The following FAM120C variants were observed in gnomAD, a reference collection of about 807,000 sequenced individuals.
FAM120C encodes the protein family with sequence similarity 120 member C.
FAM120C carries 14 observed loss-of-function variants against 71.2 expected under a neutral mutation model. That is an observed-to-expected ratio of 0.20 (90% CI 0.13 to 0.31). The LOEUF is 0.31. Ranked by LOEUF, FAM120C falls within the 10% of genes least tolerant of loss-of-function variation. The pLI, the probability that FAM120C is intolerant of heterozygous loss-of-function variation, is 1.00. For synonymous variants in FAM120C, 354 were observed against 353.2 expected (o/e 1.00, Z -0.03); for missense variants, 500 against 879.0 (o/e 0.57, Z 5.45).
At chrX:54,153,714 A>G (rs1156591088) in intron 3 of FAM120C, among the ~76,000 whole-genome samples, 1 of 109,737 alleles carries the variant, frequency 9.1e-6, no homozygotes, top group Non-Finnish European at 1.9e-5. Flanking sequence ...ATTATAGGTG[A>G]GCACCACCAT....
rs1557137930 is a variant in FAM120C at position 54,183,210 on chromosome X, G to C, written c.-12C>G. The C allele has an allele frequency of 9.3e-7, 1 of 1,074,440 alleles. No homozygotes were observed. The highest frequency in any genetic ancestry group is 3.7e-5 in the East Asian group (1 of 26,684). The allele number at this position is 1,074,440 out of a possible 1,213,427, so 88.5% of individuals were successfully genotyped here. A position where few individuals can be genotyped will look rare whatever the true frequency, so the allele number is the denominator to read the frequency against. On this transcript the variant is annotated 5_prime_UTR_variant, in exon 1 of 16. Coordinates refer to ENST00000375180, the MANE Select transcript of FAM120C (RefSeq NM_017848.6). ...CCCTGGACACCCATGCTTCGTCGGT[G>C]GGCAGACGCGATAGCGGCTGCGCAA...
At chrX:54,164,853 C>T (rs1168274982) in intron 1 of FAM120C, among the ~76,000 whole-genome samples, 2 of 111,894 alleles carry the variant, frequency 1.8e-5, no homozygotes, top group African/African-American at 6.5e-5. Flanking sequence ...ACAGCAGCTG[C>T]AGCATTTTAC....
At chrX:54,084,555 G>C (rs1344747148) in intron 13 of FAM120C, among the ~76,000 whole-genome samples, 3 of 111,996 alleles carry the variant, frequency 2.7e-5, no homozygotes, top group Non-Finnish European at 5.6e-5. Flanking sequence ...ACTGCCAGGT[G>C]CCATGGCTCA....
At chrX:54,116,189 T>C (rs782272719) in intron 10 of FAM120C, among the ~76,000 whole-genome samples, 1 of 112,344 alleles carries the variant, frequency 8.9e-6, no homozygotes, top group South Asian at 3.7e-4. Flanking sequence ...TGTGCATGAA[T>C]ACATGGATGT....
chrX:54,181,040 C>G (rs782076957), intron 1 of FAM120C, among the ~76,000 whole-genome samples: 1 of 104,942 alleles, frequency 9.5e-6, no homozygotes, highest in South Asian at 4.4e-4. Context: ...TTTTTTTTAA[C>G]CTTGTATGAG....
At chrX:54,099,341 C>G (rs1557123836) in intron 10 of FAM120C, among the ~76,000 whole-genome samples, 4 of 111,076 alleles carry the variant, frequency 3.6e-5, no homozygotes, top group Non-Finnish European at 5.7e-5. Context: ...GTGTGGCCAG[C>G]CAATTGTTTG....
intron 3 of FAM120C, among the ~76,000 whole-genome samples, chrX:54,154,575 C>G (rs1372378018): frequency 1.0e-5 from 1 of 96,595 alleles, no homozygotes; most frequent in Non-Finnish European, 2.0e-5. Flanking sequence ...CCACTGCACT[C>G]TAGCATGGGC....
intron 10 of FAM120C, 129 bp from the exon 11 acceptor site, chrX:54,091,555 A>G (rs2066824384): frequency 4.6e-6 from 2 of 438,468 alleles, no homozygotes; most frequent in Admixed American, 4.0e-5. Context: ...TGAATGAAGG[A>G]AAAAGAATCT....
At chrX:54,079,260 C>CAA (rs1334413922) in intron 15 of FAM120C, among the ~76,000 whole-genome samples, 4 of 45,871 alleles carry the variant, frequency 8.7e-5, no homozygotes, top group Admixed American at 3.0e-4. Context: ...AGACTCATCT[C>CAA]AAAAAAAAAA....
At chrX:54,112,726 A>T (rs1224750690) in intron 10 of FAM120C, among the ~76,000 whole-genome samples, 1 of 109,849 alleles carries the variant, frequency 9.1e-6, no homozygotes. Flanking sequence ...CTGTAGTCCC[A>T]GCTACTCAGG....
At chrX:54,136,632 G>C in intron 4 of FAM120C, 42 bp from the exon 5 acceptor site, 1 of 915,110 alleles carries the variant, frequency 1.1e-6, no homozygotes, top group Non-Finnish European at 1.6e-6. Context: ...AAAAACATGA[G>C]AGTGTTTTTT....
intron 12 of FAM120C, 97 bp downstream of exon 12, chrX:54,087,658 C>T (rs2066801714): frequency 2.4e-6 from 2 of 829,126 alleles, no homozygotes; most frequent in African/African-American, 2.0e-5. Flanking sequence ...CTGCTTCCGC[C>T]CCATCCCTCT....
exon 1 of FAM120C, chrX:54,183,252 TCTGGGCGCGAAG>T (rs1343681551): frequency 9.6e-6 from 8 of 836,704 alleles, no homozygotes; most frequent in Non-Finnish European, 1.2e-5. Context: ...TAGGCGACGA[TCTGGGCGCGAAG>T]CTGGGGGCGG....
At chrX:54,118,571 T>C (rs1290903087) in intron 9 of FAM120C, among the ~76,000 whole-genome samples, 1 of 109,920 alleles carries the variant, frequency 9.1e-6, no homozygotes, top group East Asian at 2.8e-4. Flanking sequence ...CCCACCAGCA[T>C]TTACGGGTGA....
At chrX:54,117,366 A>G (rs1345805839) in intron 9 of FAM120C, among the ~76,000 whole-genome samples, 2 of 88,870 alleles carry the variant, frequency 2.3e-5, no homozygotes, top group South Asian at 1.2e-3. Context: ...AAATAAAATA[A>G]AATAAAATAA....
chrX:54,159,740 A>T, intron 1 of FAM120C, 124 bp from the exon 2 acceptor site: 1 of 693,709 alleles, frequency 1.4e-6, no homozygotes, highest in South Asian at 3.6e-5. Flanking sequence ...AGAGAACAGA[A>T]CATTCTTTTA....
intron 1 of FAM120C, chrX:54,174,224 T>C (rs1470492758): frequency 4.0e-6 from 2 of 505,552 alleles, no homozygotes; most frequent in East Asian, 7.3e-5. Context: ...TCACAGTTTT[T>C]TATAACCTAA....
intron 1 of FAM120C, among the ~76,000 whole-genome samples, chrX:54,161,264 C>G (rs2067234757): frequency 8.9e-6 from 1 of 111,793 alleles, no homozygotes; most frequent in Admixed American, 9.5e-5. Context: ...TATTTTCTCT[C>G]TCTTCATCAC....
At chrX:54,158,426 A>G (rs1416033457) in intron 2 of FAM120C, among the ~76,000 whole-genome samples, 1 of 112,057 alleles carries the variant, frequency 8.9e-6, no homozygotes, top group African/African-American at 3.2e-5. Context: ...TGAAAAACCA[A>G]TTCAAAACAT....
Sources: allele counts gnomAD v4.1 joint callset (sites outside exome capture counted in the v4.1 genomes callset), GRCh38; gene constraint gnomAD v4.1.1; transcripts MANE v1.5; gene names NCBI Gene and HGNC (gene_info 2026-07-23, HGNC 2026-07-21).